Variants in GRIK1 observed in about 807,000 individuals in gnomAD.
GRIK1 encodes glutamate ionotropic receptor kainate type subunit 1, also known as glutamate receptor ionotropic, kainate 1.
A neutral mutation model predicts 105.7 loss-of-function variants in GRIK1; 69 were observed. The observed-to-expected ratio is 0.65, with a 90% CI of 0.54 to 0.80. The LOEUF (loss-of-function observed/expected upper bound fraction) is 0.80. Among genes scored for constraint, GRIK1 ranks in the 30% least tolerant of loss-of-function variants. The probability of loss-of-function intolerance (pLI) is 0.00; values close to 1 mark genes in which losing one functional copy is unlikely to be tolerated. For missense variants in GRIK1, 1,109 were observed against 1,167.3 expected, an observed-to-expected ratio of 0.95 and a Z score of 0.73; for synonymous variants, 438 against 431.3, an observed-to-expected ratio of 1.02 and a Z score of -0.19.
chr21:29,808,761 T>C (rs2066929923), intron 1 of GRIK1, among the ~76,000 whole-genome samples: 2 of 152,252 alleles, frequency 1.3e-5, no homozygotes, highest in South Asian at 2.1e-4. Flanking sequence ...TTTCAGAGAG[T>C]TGGCCAGCCC....
intron 1 of GRIK1, among the ~76,000 whole-genome samples, chr21:29,726,680 A>G (rs1312974453): frequency 6.6e-6 from 1 of 151,892 alleles, no homozygotes; most frequent in Non-Finnish European, 1.5e-5. Context: ...ATACTATTTA[A>G]TGGTTACATA....
intron 4 of GRIK1, among the ~76,000 whole-genome samples, chr21:29,665,000 C>T (rs2063032800): frequency 6.6e-6 from 1 of 152,144 alleles, no homozygotes; most frequent in Non-Finnish European, 1.5e-5. Flanking sequence ...TTCTAAAGTT[C>T]CCCTGCTTCC....
chr21:29,564,308 C>T (rs905098747), intron 14 of GRIK1, among the ~76,000 whole-genome samples: 11 of 151,954 alleles, frequency 7.2e-5, no homozygotes, highest in Admixed American at 6.6e-4. Context: ...CCACTACACC[C>T]GGCTAATTTT....
chr21:29,642,951 A>G lies in GRIK1; in HGVS notation c.973T>C (p.Tyr325His), dbSNP rs149858215. The G allele has an allele frequency of 6.8e-5, 109 of 1,613,868 alleles. No homozygotes were observed. The highest frequency in any genetic ancestry group is 9.0e-5 in the Non-Finnish European group (106 of 1,179,930). Residue 325 changes from tyrosine to histidine, a missense_variant, in exon 7 of 18, where the codon TAC becomes CAC. Transcript: ENST00000327783. Reference sequence around the variant, plus strand: ...ATGGCCACCATGTACACAGCATCGTACATCAGAGCCGCTTCAGTCTGTGGA... The same window carrying G: ...ATGGCCACCATGTACACAGCATCGTGCATCAGAGCCGCTTCAGTCTGTGGA... ...GMMTTEAALMYDAVYMVAIAS... is the reference protein window; with the variant it reads ...GMMTTEAALMHDAVYMVAIAS...
intron 1 of GRIK1, among the ~76,000 whole-genome samples, chr21:29,934,499 C>T (rs2243535): frequency 0.69 from 104,540 of 151,996 alleles, 36,126 homozygotes; most frequent in East Asian, 0.83. Flanking sequence ...AGGACAAATA[C>T]AGTGTATACT....
intron 6 of GRIK1, among the ~76,000 whole-genome samples, chr21:29,650,099 A>C (rs2062700635): frequency 6.6e-6 from 1 of 152,174 alleles, no homozygotes; most frequent in African/African-American, 2.4e-5. Flanking sequence ...ATTATCTCTC[A>C]GTTCACTTTG....
chr21:29,551,747 T>C (rs1044266623), intron 16 of GRIK1, among the ~76,000 whole-genome samples: 2 of 152,184 alleles, frequency 1.3e-5, no homozygotes, highest in South Asian at 2.1e-4. Flanking sequence ...TGATTGTCAA[T>C]ACTTCATCAA....
chr21:29,779,919 A>G (rs1225857376), intron 1 of GRIK1, among the ~76,000 whole-genome samples: 2 of 152,198 alleles, frequency 1.3e-5, no homozygotes, highest in African/African-American at 4.8e-5. Context: ...GCAAAGAAAA[A>G]AAACCCTCAT....
chr21:29,599,817 A>G (rs1275971762), intron 7 of GRIK1, among the ~76,000 whole-genome samples: 2 of 152,120 alleles, frequency 1.3e-5, no homozygotes, highest in Admixed American at 1.3e-4. Flanking sequence ...ACAAACAAAA[A>G]GGGTCGGGCG....
chr21:29,855,810 G>C (rs1034819080), intron 1 of GRIK1, among the ~76,000 whole-genome samples: 2 of 152,150 alleles, frequency 1.3e-5, no homozygotes, highest in Non-Finnish European at 2.9e-5. Flanking sequence ...TAACTGATTG[G>C]TGATGTTTTT....
chr21:29,838,829 A>G (rs1287583612), intron 1 of GRIK1, among the ~76,000 whole-genome samples: 2 of 152,196 alleles, frequency 1.3e-5, no homozygotes, highest in Non-Finnish European at 2.9e-5. Flanking sequence ...ACATGAAAAC[A>G]AGATTCATCA....
chr21:29,840,374 G>T (rs9978058), intron 1 of GRIK1, among the ~76,000 whole-genome samples: 7,253 of 152,132 alleles, frequency 0.048, 387 homozygotes, highest in African/African-American at 0.13. Context: ...CATATTTCTA[G>T]CAATGCATCA....
chr21:29,707,446 C>CCCTTCCTTCCTTCCTTCCTTCCTT (rs1555875906), intron 1 of GRIK1, among the ~76,000 whole-genome samples: 2 of 18,654 alleles, frequency 1.1e-4, no homozygotes, highest in Non-Finnish European at 9.7e-5. Flanking sequence ...CTCCCTCCCT[C>CCCTTCCTTCCTTCCTTCCTTCCTT]CCTCCCTCCC....
At chr21:29,729,529 C>A (rs2064558384) in intron 1 of GRIK1, among the ~76,000 whole-genome samples, 1 of 152,162 alleles carries the variant, frequency 6.6e-6, no homozygotes, top group Non-Finnish European at 1.5e-5. Context: ...GATCAGTGAA[C>A]AACAGGCAAA....
At chr21:29,903,758 G>T (rs757712507) in intron 1 of GRIK1, among the ~76,000 whole-genome samples, 4 of 152,158 alleles carry the variant, frequency 2.6e-5, no homozygotes, top group Non-Finnish European at 5.9e-5. Context: ...ATTTGACCCA[G>T]CAATCCCAAT....
At chr21:29,790,318 A>G (rs1467376014) in intron 1 of GRIK1, among the ~76,000 whole-genome samples, 2 of 152,142 alleles carry the variant, frequency 1.3e-5, no homozygotes, top group Admixed American at 6.5e-5. Context: ...AAGTGCTGGG[A>G]TTACAAGTGT....
At chr21:29,721,563 A>G (rs527757861) in intron 1 of GRIK1, among the ~76,000 whole-genome samples, 8 of 152,000 alleles carry the variant, frequency 5.3e-5, no homozygotes, top group Admixed American at 2.0e-4. Context: ...AATGGACAAT[A>G]GAAAGAGAAT....
intron 1 of GRIK1, among the ~76,000 whole-genome samples, chr21:29,832,128 C>T (rs1316132711): frequency 6.6e-6 from 1 of 152,230 alleles, no homozygotes; most frequent in African/African-American, 2.4e-5. Flanking sequence ...CTCCATGTCT[C>T]ACATCCAGGC....
intron 1 of GRIK1, among the ~76,000 whole-genome samples, chr21:29,732,382 TC>T (rs2064655172): frequency 6.6e-6 from 1 of 152,156 alleles, no homozygotes; most frequent in South Asian, 2.1e-4. Context: ...TCACTGTTTT[TC>T]CCCAACCACT....
Sources: gnomAD v4.1 joint callset for allele counts (sites outside exome capture counted in the v4.1 genomes callset) on GRCh38, gnomAD v4.1.1 for gene constraint, MANE v1.5 for transcripts, NCBI Gene and HGNC (gene_info 2026-07-23, HGNC 2026-07-21) for gene names.